The following PRELID2 variants were observed in gnomAD, a reference collection of about 807,000 sequenced individuals.
The protein encoded by PRELID2 is PRELI domain containing 2.
In PRELID2, 25 loss-of-function variants were observed where a neutral mutation model predicts 28.4. The observed-to-expected ratio is 0.88, with a 90% CI of 0.64 to 1.23. PRELID2 has a LOEUF of 1.23. Ranked by LOEUF, PRELID2 falls within the 50% of genes most tolerant of loss-of-function variation. The pLI, the probability that PRELID2 is intolerant of heterozygous loss-of-function variation, is 0.00. For missense variants in PRELID2, 201 were observed against 214.4 expected, an observed-to-expected ratio of 0.94 and a Z score of 0.39; for synonymous variants, 76 against 71.6, an observed-to-expected ratio of 1.06 and a Z score of -0.31.
chr5:145,769,156 T>C (rs1469129392), intron 5 of PRELID2, among the ~76,000 whole-genome samples: 1 of 152,238 alleles, frequency 6.6e-6, no homozygotes, highest in Non-Finnish European at 1.5e-5. Flanking sequence ...TCTACCTTTA[T>C]AGATAAGGCT....
intron 4 of PRELID2, among the ~76,000 whole-genome samples, chr5:145,802,047 C>T (rs1753174480): frequency 6.6e-6 from 1 of 152,204 alleles, no homozygotes; most frequent in African/African-American, 2.4e-5. Context: ...GATCATGTCA[C>T]TGCCTATTAA....
At chr5:145,654,999 C>T (rs1581031270) in intron 1 of PRELID2, among the ~76,000 whole-genome samples, 1 of 151,900 alleles carries the variant, frequency 6.6e-6, no homozygotes. Flanking sequence ...TGTAGAAAAC[C>T]CCATCGTCTC....
Position 145,796,551 on chromosome 5 carries a change from C to T in PRELID2, c.369-4G>A. ...GCCTCTTTGAATGAACTCTGTCCTG[C>T]AAAAAAAACAAAAAACACATCTTTG... On this transcript the variant is annotated splice_region_variant and splice_polypyrimidine_tract_variant and intron_variant, in intron 4 of 6. Transcript: ENST00000683046. The T allele has an allele frequency of 6.5e-7, 1 of 1,544,380 alleles. No individual in the cohort carries two copies. The highest frequency in any genetic ancestry group is 8.8e-7 in the Non-Finnish European group (1 of 1,138,862).
rs1445635249 is a variant in PRELID2, at chr5:145,757,921, C to T, written c.*2615G>A. The stretch of plus-strand genomic sequence containing the variant: ...ATTACTGAGTGAGGAAAAGTAATCC[C>T]TGAGGATTATTTAGGAATGAGGAGG... On this transcript the variant is annotated 3_prime_UTR_variant, in exon 7 of 7. Coordinates refer to ENST00000683046, the MANE Select transcript of PRELID2 (RefSeq NM_205846.3). 6.6e-6 allele frequency among the ~76,000 whole-genome samples: 1 copy of T among 151,764 alleles called. No individual in the cohort carries two copies. Among genetic ancestry groups the T allele is most frequent in the Non-Finnish European group, 1.5e-5 (1 of 67,992 alleles).
chr5:145,371,510 T>C, the PRELID2 span, among the ~76,000 whole-genome samples: 3 of 152,128 alleles, frequency 2.0e-5, no homozygotes, highest in Admixed American at 1.3e-4. Flanking sequence ...GGATTTGGTT[T>C]GCCAGTATTT....
chr5:145,590,236 C>T (rs1753209247), intron 1 of PRELID2, among the ~76,000 whole-genome samples: 1 of 152,114 alleles, frequency 6.6e-6, no homozygotes, highest in African/African-American at 2.4e-5. Flanking sequence ...TTGGATGGTT[C>T]CTTTGTCTCA....
chr5:145,579,559 C>A (rs192444306), intron 1 of PRELID2, among the ~76,000 whole-genome samples: 1 of 152,052 alleles, frequency 6.6e-6, no homozygotes, highest in Non-Finnish European at 1.5e-5. Flanking sequence ...AACTATGTGG[C>A]CTGCATCCAT....
chr5:145,749,599 C>A (rs1384910986), intron 1 of PRELID2, among the ~76,000 whole-genome samples: 3 of 152,174 alleles, frequency 2.0e-5, no homozygotes, highest in African/African-American at 4.8e-5. Flanking sequence ...CTTGACCCAG[C>A]AATCCCATTA....
At chr5:145,355,994 A>T in the PRELID2 span, among the ~76,000 whole-genome samples, 1 of 152,148 alleles carries the variant, frequency 6.6e-6, no homozygotes, top group Non-Finnish European at 1.5e-5. Flanking sequence ...TGAAAAGAGT[A>T]ATTTCTATGG....
At chr5:145,707,388 T>A (rs1015892905) in intron 1 of PRELID2, among the ~76,000 whole-genome samples, 2 of 152,176 alleles carry the variant, frequency 1.3e-5, no homozygotes, top group African/African-American at 2.4e-5. Flanking sequence ...AGTGCGCCAG[T>A]AATGTCGGAA....
intron 1 of PRELID2, among the ~76,000 whole-genome samples, chr5:145,592,631 C>G (rs1361846912): frequency 6.6e-6 from 1 of 151,922 alleles, no homozygotes; most frequent in Non-Finnish European, 1.5e-5. Context: ...AAGTGAAAAT[C>G]CAATCATAAA....
chr5:145,286,056 G>A, the PRELID2 span, among the ~76,000 whole-genome samples: 2 of 152,096 alleles, frequency 1.3e-5, no homozygotes, highest in Non-Finnish European at 2.9e-5. Context: ...TTTCATGCAG[G>A]TACCTCTATA....
At chr5:145,824,188 C>G (rs1209606958) in intron 1 of PRELID2, among the ~76,000 whole-genome samples, 2 of 152,036 alleles carry the variant, frequency 1.3e-5, no homozygotes, top group Non-Finnish European at 2.9e-5. Context: ...CTACTGAGCC[C>G]CCTTGGACTC....
chr5:145,380,425 G>C, the PRELID2 span, among the ~76,000 whole-genome samples: 3 of 152,154 alleles, frequency 2.0e-5, no homozygotes, highest in Admixed American at 2.0e-4. Flanking sequence ...TCACCTGGCT[G>C]CTCTAATCGG....
intron 1 of PRELID2, among the ~76,000 whole-genome samples, chr5:145,547,333 G>T (rs887800233): frequency 5.3e-5 from 8 of 152,102 alleles, no homozygotes; most frequent in Non-Finnish European, 1.0e-4. Flanking sequence ...AGGCTGGTCG[G>T]TGGTGTCCAT....
At chr5:145,613,695 GT>G (rs1451072470) in intron 1 of PRELID2, among the ~76,000 whole-genome samples, 4 of 152,128 alleles carry the variant, frequency 2.6e-5, no homozygotes, top group Admixed American at 2.6e-4. Context: ...TTACTGATTT[GT>G]TTGAGTTCAT....
intron 4 of PRELID2, among the ~76,000 whole-genome samples, chr5:145,814,519 C>T (rs1278828222): frequency 3.3e-5 from 5 of 152,176 alleles, no homozygotes; most frequent in African/African-American, 7.2e-5. Context: ...ACCCACTCAG[C>T]GGGCTGCTGC....
At chr5:145,674,335 G>A (rs773685640) in intron 1 of PRELID2, among the ~76,000 whole-genome samples, 7 of 149,170 alleles carry the variant, frequency 4.7e-5, no homozygotes, top group African/African-American at 7.4e-5. Context: ...GACAGGCCCG[G>A]GTGTGTGATG....
At chr5:145,324,185 G>GGTAT in the PRELID2 span, among the ~76,000 whole-genome samples, 1 of 152,124 alleles carries the variant, frequency 6.6e-6, no homozygotes, top group Non-Finnish European at 1.5e-5. Flanking sequence ...ATTCATTTAA[G>GGTAT]GTATGTATAA....
Sources: allele counts gnomAD v4.1 joint callset (sites outside exome capture counted in the v4.1 genomes callset), GRCh38; gene constraint gnomAD v4.1.1; transcripts MANE v1.5; gene names NCBI Gene and HGNC (gene_info 2026-07-23, HGNC 2026-07-21).